Variants in CDH20 observed in about 807,000 individuals in gnomAD.
CDH20 encodes cadherin-20.
CDH20 carries 29 observed loss-of-function variants against 74.2 expected under a neutral mutation model. The observed-to-expected ratio is 0.39, with a 90% CI of 0.29 to 0.53. CDH20 has a LOEUF of 0.53. Ranked by LOEUF, CDH20 falls within the 20% of genes least tolerant of loss-of-function variation. CDH20 has a pLI of 0.69. For synonymous variants in CDH20, 469 were observed against 405.4 expected (o/e 1.16, Z -1.88); for missense variants, 988 against 1,048.3 (o/e 0.94, Z 0.79).
At chr18:61,354,518 A>G (rs1203997270) in intron 1 of CDH20, among the ~76,000 whole-genome samples, 2 of 152,196 alleles carry the variant, frequency 1.3e-5, no homozygotes, top group Admixed American at 6.5e-5. Context: ...TTGAGGCAGG[A>G]GAATTGCTTG....
At chr18:61,443,877 G>A (rs1909110939) in intron 1 of CDH20, among the ~76,000 whole-genome samples, 1 of 152,078 alleles carries the variant, frequency 6.6e-6, no homozygotes, top group Non-Finnish European at 1.5e-5. Flanking sequence ...GAAAAGGAGA[G>A]AGTACAACAC....
chr18:61,393,430 G>A (rs2144208636), intron 1 of CDH20, among the ~76,000 whole-genome samples: 1 of 152,318 alleles, frequency 6.6e-6, no homozygotes, highest in East Asian at 1.9e-4. Context: ...CCTTTGCATA[G>A]AGCCCAGCCG....
chr18:61,443,760 G>T (rs1909106625), intron 1 of CDH20, among the ~76,000 whole-genome samples: 1 of 152,130 alleles, frequency 6.6e-6, no homozygotes, highest in Non-Finnish European at 1.5e-5. Context: ...ACTGTTGGTT[G>T]CGATTTGGAC....
chr18:61,466,428 G>A (rs1909963926), intron 1 of CDH20, among the ~76,000 whole-genome samples: 3 of 152,064 alleles, frequency 2.0e-5, no homozygotes. Context: ...ATCCTTTCAT[G>A]ACATGATGTT....
intron 1 of CDH20, among the ~76,000 whole-genome samples, chr18:61,488,540 G>A (rs1299555326): frequency 6.6e-6 from 1 of 152,156 alleles, no homozygotes; most frequent in Non-Finnish European, 1.5e-5. Context: ...CTTAATAGAT[G>A]AGGAAACTGA....
At position 61,388,798 on chromosome 18, in the gene CDH20, C is replaced by T. The variant is rs191909100; in HGVS notation, c.-153+54971C>T. 8.5e-5 allele frequency among the ~76,000 whole-genome samples: 13 copies of T among 152,256 alleles called. No homozygotes were observed. The South Asian group carries it at 1.2e-3, about 15-fold the overall frequency. On this transcript the variant is annotated intron_variant, in intron 1 of 11. Coordinates refer to ENST00000262717, the MANE Select transcript of CDH20 (RefSeq NM_031891.4). ...AAAGCCAGTGAGGGAAATCATTTGA[C>T]GGCAACAAAAGGACTGGGGCTTTCA...
At chr18:61,418,426 C>G (rs916741360) in intron 1 of CDH20, among the ~76,000 whole-genome samples, 41 of 151,786 alleles carry the variant, frequency 2.7e-4, no homozygotes, top group African/African-American at 8.5e-4. Context: ...AGGTCGTGGG[C>G]GCCTGTAGTC....
Position 61,520,333 on chromosome 18 carries a change from A to AAAG in CDH20, c.1018-7634_1018-7633insAAG, listed in dbSNP as rs60376473. On this transcript the variant is annotated intron_variant, in intron 6 of 11. Transcript: ENST00000262717. ...TCCGTCTCAAAAAAAAAAAAAAAAA[A>AAAG]GACAAAGAAGGGCATTACAGAATGG... Among the ~76,000 whole-genome samples, 59 of 144,536 alleles carry AAAG rather than the reference A, an allele frequency of 4.1e-4. 3 individuals are homozygous for AAAG. Among genetic ancestry groups the AAAG allele is most frequent in the African/African-American group, 1.4e-3 (52 of 38,290 alleles). The allele number at this position is 144,536 out of a possible 152,430, so 94.8% of individuals were successfully genotyped here. A position where few individuals can be genotyped will look rare whatever the true frequency, so the allele number is the denominator to read the frequency against.
intron 1 of CDH20, among the ~76,000 whole-genome samples, chr18:61,385,201 A>G (rs1027259545): frequency 5.3e-5 from 8 of 152,226 alleles, no homozygotes; most frequent in African/African-American, 1.9e-4. Context: ...CCTTAAGCTG[A>G]CAGCCAATAT....
intron 1 of CDH20, among the ~76,000 whole-genome samples, chr18:61,340,876 G>T (rs1909925598): frequency 6.6e-6 from 1 of 152,176 alleles, no homozygotes; most frequent in African/African-American, 2.4e-5. Flanking sequence ...ATCTATATTT[G>T]AAAGGGCTAC....
chr18:61,479,390 A>G (rs1910507460), intron 1 of CDH20, among the ~76,000 whole-genome samples: 1 of 152,132 alleles, frequency 6.6e-6, no homozygotes, highest in Non-Finnish European at 1.5e-5. Flanking sequence ...CCTATTCTAG[A>G]TATTAGCAGT....
At chr18:61,501,658 A>G (rs1911388846) in intron 4 of CDH20, among the ~76,000 whole-genome samples, 1 of 152,220 alleles carries the variant, frequency 6.6e-6, no homozygotes, top group African/African-American at 2.4e-5. Flanking sequence ...GAAACCAGAC[A>G]TTCAGAAAAT....
chr18:61,432,578 G>A (rs746042105), intron 1 of CDH20, among the ~76,000 whole-genome samples: 7 of 152,142 alleles, frequency 4.6e-5, no homozygotes, highest in Non-Finnish European at 7.3e-5. Context: ...TACTCTAAAC[G>A]TATAGAGGTC....
chr18:61,359,241 G>A lies in CDH20; in HGVS notation c.-153+25414G>A, dbSNP rs147659871. Reference sequence around the variant, plus strand: ...CATTCCCTATAATACATTTTGCAGAGCATTTTATAGGGACTCAATTTTCCT... The same window carrying A: ...CATTCCCTATAATACATTTTGCAGAACATTTTATAGGGACTCAATTTTCCT... On this transcript the variant is annotated intron_variant, in intron 1 of 11. Coordinates refer to ENST00000262717, the MANE Select transcript of CDH20 (RefSeq NM_031891.4). Among the ~76,000 whole-genome samples the A allele has an allele frequency of 8.1e-3, 1,235 of 152,018 alleles. 21 individuals carry two copies. Among genetic ancestry groups the A allele is most frequent in the African/African-American group, 0.028 (1,147 of 41,460 alleles).
At chr18:61,433,983 C>T (rs1908743108) in intron 1 of CDH20, among the ~76,000 whole-genome samples, 1 of 152,204 alleles carries the variant, frequency 6.6e-6, no homozygotes, top group African/African-American at 2.4e-5. Flanking sequence ...ACCAGATTTT[C>T]CCTGAAGAAA....
intron 6 of CDH20, among the ~76,000 whole-genome samples, chr18:61,512,602 A>G (rs1336185085): frequency 3.3e-5 from 5 of 152,194 alleles, no homozygotes; most frequent in South Asian, 2.1e-4. Context: ...CGCTGTTTCC[A>G]TGCCATTCTC....
At chr18:61,509,871 A>G (rs1911717835) in intron 6 of CDH20, among the ~76,000 whole-genome samples, 1 of 152,184 alleles carries the variant, frequency 6.6e-6, no homozygotes, top group African/African-American at 2.4e-5. Context: ...CAGAGCCAAC[A>G]GGATTTCCTA....
intron 5 of CDH20, among the ~76,000 whole-genome samples, chr18:61,503,366 C>T (rs1476450170): frequency 6.6e-6 from 1 of 152,180 alleles, no homozygotes; most frequent in Non-Finnish European, 1.5e-5. Context: ...TCTTTTTAGA[C>T]TTTCTTTCCT....
chr18:61,469,102 T>G (rs756946397), intron 1 of CDH20, among the ~76,000 whole-genome samples: 13 of 152,196 alleles, frequency 8.5e-5, no homozygotes, highest in Non-Finnish European at 1.0e-4. Context: ...GCAATAGCAC[T>G]GTGATTCTGG....
Sources: allele counts gnomAD v4.1 joint callset (sites outside exome capture counted in the v4.1 genomes callset), GRCh38; gene constraint gnomAD v4.1.1; transcripts MANE v1.5; gene names NCBI Gene and HGNC (gene_info 2026-07-23, HGNC 2026-07-21).